Variants in GRXCR2 observed in about 807,000 individuals in gnomAD.
The protein encoded by GRXCR2 is glutaredoxin and cysteine rich domain containing 2.
GRXCR2 carries 23 observed loss-of-function variants against 24.8 expected under a neutral mutation model. The ratio of observed to expected loss-of-function variants is 0.93; its 90% CI spans 0.67 to 1.32. GRXCR2 has a LOEUF of 1.32. GRXCR2 is among the 40% of genes most tolerant of loss of function. GRXCR2 has a pLI of 0.00. For missense variants in GRXCR2, 315 were observed against 303.4 expected, an observed-to-expected ratio of 1.04 and a Z score of -0.28; for synonymous variants, 130 against 116.1, an observed-to-expected ratio of 1.12 and a Z score of -0.77.
In GRXCR2 at chr5:145,866,529, C is replaced by A. The variant is rs757534438; in HGVS notation, c.536G>T (p.Ser179Ile). The change falls in exon 2 of 3, where the codon AGC becomes ATC. Residue 179 changes from serine (S) to isoleucine (I), a missense_variant. By Grantham distance (142) the Ser-to-Ile change is moderately radical. Coordinates refer to ENST00000377976, the MANE Select transcript of GRXCR2 (RefSeq NM_001080516.2). ...QHDRPLVEAE[S>I]TLPQNRYTQE... ...TGTATACCGGTTTTGGGGTAATGTG[C>A]TTTCTGCCTCCACCAAAGGTCTATC... 1.2e-6 allele frequency: 2 copies of A among 1,614,114 alleles called. No homozygotes were observed. The highest frequency in any genetic ancestry group is 2.2e-5 in the South Asian group (2 of 91,078).
intron 2 of GRXCR2, among the ~76,000 whole-genome samples, chr5:145,916,763 C>T (rs1012656875): frequency 3.9e-5 from 6 of 152,112 alleles, no homozygotes; most frequent in African/African-American, 1.4e-4. Context: ...ACCCTCAAAA[C>T]CTTAGTCTCT....
chr5:145,877,116 C>A (rs1361563250), upstream of GRXCR2, among the ~76,000 whole-genome samples: 2 of 151,852 alleles, frequency 1.3e-5, no homozygotes, highest in South Asian at 2.1e-4. Context: ...CCAATTATTT[C>A]TCTTCAGAAA....
chr5:145,882,464 C>A (rs932700764), intron 2 of GRXCR2, among the ~76,000 whole-genome samples: 2 of 152,166 alleles, frequency 1.3e-5, no homozygotes, highest in Non-Finnish European at 2.9e-5. Context: ...ATCAAAACCA[C>A]AATGAGATAC....
At chr5:145,917,371 G>T (rs1424947371) in intron 2 of GRXCR2, among the ~76,000 whole-genome samples, 2 of 152,104 alleles carry the variant, frequency 1.3e-5, no homozygotes, top group Non-Finnish European at 2.9e-5. Context: ...ATCAGTGTAA[G>T]GACATTTCAG....
rs762204674 is a variant in GRXCR2, at chr5:145,859,823, C to A, written c.657G>T (p.Leu219=). ...SLCHGSKFSM[L]ANRFKESYRA... ...GATAGGACTCCTTAAATCTGTTGGC[C>A]AGCATCGAGAACTTGCTGCCGTGGC... Residue 219 remains leucine, a synonymous_variant, in exon 3 of 3, where the codon CTG becomes CTT. Coordinates refer to ENST00000377976, the MANE Select transcript of GRXCR2 (RefSeq NM_001080516.2). 6.2e-7 allele frequency: 1 copy of A among 1,613,948 alleles called. No homozygotes were observed. Among genetic ancestry groups the A allele is most frequent in the Non-Finnish European group, 8.5e-7 (1 of 1,179,898 alleles).
At chr5:145,898,181 T>G (rs144001042) in intron 2 of GRXCR2, among the ~76,000 whole-genome samples, 273 of 151,970 alleles carry the variant, frequency 1.8e-3, no homozygotes, top group African/African-American at 6.3e-3. Context: ...GAGACTATTA[T>G]GAACACCTCT....
chr5:145,886,915 G>A (rs1756786876), intron 2 of GRXCR2, among the ~76,000 whole-genome samples: 1 of 151,814 alleles, frequency 6.6e-6, no homozygotes, highest in Admixed American at 6.6e-5. Flanking sequence ...ATTTTACTTA[G>A]CATCTCAGTT....
At chr5:145,928,092 G>C (rs1219155032) in intron 2 of GRXCR2, among the ~76,000 whole-genome samples, 1 of 151,920 alleles carries the variant, frequency 6.6e-6, no homozygotes, top group Non-Finnish European at 1.5e-5. Flanking sequence ...AGTGGGCAAA[G>C]GATATGAACA....
chr5:145,914,395 G>C (rs1757206521), intron 2 of GRXCR2, among the ~76,000 whole-genome samples: 1 of 151,922 alleles, frequency 6.6e-6, no homozygotes, highest in Non-Finnish European at 1.5e-5. Flanking sequence ...AACAAATCTG[G>C]CGAGGCATGG....
chr5:145,911,151 A>T (rs1041381693), intron 2 of GRXCR2, among the ~76,000 whole-genome samples: 1 of 152,146 alleles, frequency 6.6e-6, no homozygotes, highest in African/African-American at 2.4e-5. Context: ...TTGTGTACTG[A>T]TCACCACAAA....
intron 2 of GRXCR2, among the ~76,000 whole-genome samples, chr5:145,920,245 A>T (rs1324239413): frequency 6.6e-6 from 1 of 152,212 alleles, no homozygotes; most frequent in Admixed American, 6.5e-5. Flanking sequence ...GTTGCCAGGC[A>T]CTGTCCTCAA....
chr5:145,865,906 G>A (rs1288838102), intron 2 of GRXCR2, among the ~76,000 whole-genome samples: 1 of 152,034 alleles, frequency 6.6e-6, no homozygotes, highest in Non-Finnish European at 1.5e-5. Flanking sequence ...GGGAGGCCGA[G>A]GCAGATGGAA....
In GRXCR2 at chr5:145,859,765, C is replaced by CA. The variant is rs587777424; in HGVS notation, c.714dup (p.Gly239TrpfsTer74). The CA allele has an allele frequency of 1.9e-6, 3 of 1,614,180 alleles. No individual in the cohort carries two copies. The South Asian group carries it at 3.3e-5, about 18-fold the overall frequency. On this transcript the variant is annotated frameshift_variant, in exon 3 of 3. Coordinates refer to ENST00000377976, the MANE Select transcript of GRXCR2 (RefSeq NM_001080516.2). LOFTEE classifies it high-confidence loss of function. The stretch of plus-strand genomic sequence containing the variant: ...TTGCAAATCTGGCAAGGCTGTAGGC[C>CA]ATTCTCATTGCAGGCAGGGCACCTC...
chr5:145,869,599 C>A (rs1318694511), intron 1 of GRXCR2, among the ~76,000 whole-genome samples: 1 of 150,076 alleles, frequency 6.7e-6, no homozygotes, highest in Non-Finnish European at 1.5e-5. Context: ...GCTCTGTCAC[C>A]CAGGCTGGAG....
intron 2 of GRXCR2, among the ~76,000 whole-genome samples, chr5:145,880,433 C>T (rs1204690520): frequency 1.3e-5 from 2 of 152,160 alleles, no homozygotes; most frequent in African/African-American, 4.8e-5. Flanking sequence ...TGCAAATAAA[C>T]TAGAAAATCT....
At chr5:145,903,754 C>A (rs1021173162) in intron 2 of GRXCR2, among the ~76,000 whole-genome samples, 1 of 152,156 alleles carries the variant, frequency 6.6e-6, no homozygotes, top group African/African-American at 2.4e-5. Flanking sequence ...AGAATCTGGC[C>A]TCTACCAATA....
chr5:145,899,605 C>T (rs1756998137), intron 2 of GRXCR2, among the ~76,000 whole-genome samples: 1 of 152,064 alleles, frequency 6.6e-6, no homozygotes, highest in African/African-American at 2.4e-5. Flanking sequence ...AATAAAGCAG[C>T]ACGTCTACAG....
intron 2 of GRXCR2, among the ~76,000 whole-genome samples, chr5:145,906,903 G>A (rs566994498): frequency 6.6e-6 from 1 of 152,342 alleles, no homozygotes; most frequent in East Asian, 1.9e-4. Flanking sequence ...ATGGAAGCAA[G>A]TTTGCAATTT....
intron 2 of GRXCR2, among the ~76,000 whole-genome samples, chr5:145,894,337 T>G (rs1405682766): frequency 6.6e-6 from 1 of 152,044 alleles, no homozygotes; most frequent in East Asian, 1.9e-4. Context: ...AATCAATGAA[T>G]CCAGGAGCTG....
Sources: allele counts gnomAD v4.1 joint callset (sites outside exome capture counted in the v4.1 genomes callset), GRCh38; gene constraint gnomAD v4.1.1; transcripts MANE v1.5; gene names NCBI Gene and HGNC (gene_info 2026-07-23, HGNC 2026-07-21).